The following FRMD6 variants were observed in gnomAD, a reference collection of about 807,000 sequenced individuals.
FRMD6 encodes the protein FERM domain-containing protein 6.
A neutral mutation model predicts 73.2 loss-of-function variants in FRMD6; 37 were observed. That is an observed-to-expected ratio of 0.51 (90% CI 0.39 to 0.66). FRMD6 has a LOEUF of 0.66. Among genes scored for constraint, FRMD6 ranks in the 30% least tolerant of loss-of-function variants. The probability of loss-of-function intolerance (pLI) is 0.00; values close to 1 mark genes in which losing one functional copy is unlikely to be tolerated. For missense variants in FRMD6, 714 were observed against 780.5 expected, an observed-to-expected ratio of 0.91 and a Z score of 1.02; for synonymous variants, 273 against 282.2, an observed-to-expected ratio of 0.97 and a Z score of 0.33.
intron 1 of FRMD6, among the ~76,000 whole-genome samples, chr14:51,525,140 GTGGA>G (rs71121650): frequency 0.042 from 6,268 of 148,592 alleles, 214 homozygotes; most frequent in Middle Eastern, 0.086. Flanking sequence ...TGATAGGTGG[GTGGA>G]TGGATGGATG....
At chr14:51,424,181 G>T in the FRMD6 span, among the ~76,000 whole-genome samples, 2 of 152,078 alleles carry the variant, frequency 1.3e-5, no homozygotes, top group African/African-American at 4.8e-5. Flanking sequence ...CATCCTCTCG[G>T]GTGTGAAAGA....
chr14:51,570,467 T>G (rs1426640008), intron 2 of FRMD6: 2 of 152,132 alleles, frequency 1.3e-5, no homozygotes, highest in Non-Finnish European at 2.9e-5. Context: ...AAACCGAAGT[T>G]TAAGAAATCT....
rs1448388306 is a variant in FRMD6 at position 51,621,244 on chromosome 14, A to G, written c.-147+50834A>G. Among the ~76,000 whole-genome samples, 4 of 152,234 alleles carry G rather than the reference A, an allele frequency of 2.6e-5. No individual in the cohort carries two copies. The East Asian group carries it at 7.7e-4, about 29-fold the overall frequency. ...TTGATGTTATAACTCAAAGGCTCAG[A>G]AGTGGTGGAGTTGGATCCAGCAGCC... On this transcript the variant is annotated intron_variant, in intron 2 of 14. Coordinates refer to the FRMD6 transcript ENST00000356218.
chr14:51,660,003 G>GT (rs1308660977), intron 1 of FRMD6, among the ~76,000 whole-genome samples: 1 of 152,168 alleles, frequency 6.6e-6, no homozygotes, highest in Non-Finnish European at 1.5e-5. Context: ...GCTAAAAAAG[G>GT]TACAGGATCC....
At chr14:51,623,684 C>A (rs548586156) in intron 2 of FRMD6, among the ~76,000 whole-genome samples, 3 of 152,182 alleles carry the variant, frequency 2.0e-5, no homozygotes, top group South Asian at 4.1e-4. Flanking sequence ...ACCATTCACG[C>A]CTTGTTCCAT....
At chr14:51,612,768 C>G (rs1470857233) in intron 2 of FRMD6, among the ~76,000 whole-genome samples, 7 of 152,176 alleles carry the variant, frequency 4.6e-5, no homozygotes, top group Non-Finnish European at 1.0e-4. Flanking sequence ...AACAAGACTA[C>G]TTGGAATTTC....
chr14:51,610,501 C>T (rs767120200), intron 2 of FRMD6, among the ~76,000 whole-genome samples: 71 of 151,576 alleles, frequency 4.7e-4, no homozygotes, highest in Middle Eastern at 3.4e-3. Context: ...TATTAGAAAC[C>T]GAAGGAAAAA....
chr14:51,535,020 C>T (rs1325212285), intron 1 of FRMD6, among the ~76,000 whole-genome samples: 1 of 152,168 alleles, frequency 6.6e-6, no homozygotes, highest in African/African-American at 2.4e-5. Context: ...CACCCACATT[C>T]CCCACCAAAA....
chr14:51,485,171 C>G (rs533636535), upstream of FRMD6, among the ~76,000 whole-genome samples: 1 of 152,354 alleles, frequency 6.6e-6, no homozygotes, highest in South Asian at 2.1e-4. Context: ...CTCTCACCAA[C>G]CACCAGCTTC....
At chr14:51,403,657 C>T in the FRMD6 span, among the ~76,000 whole-genome samples, 2 of 152,166 alleles carry the variant, frequency 1.3e-5, no homozygotes, top group Non-Finnish European at 2.9e-5. Flanking sequence ...TCATCTCAGC[C>T]TCCCAAAGTG....
At chr14:51,431,089 T>C in the FRMD6 span, among the ~76,000 whole-genome samples, 1 of 152,218 alleles carries the variant, frequency 6.6e-6, no homozygotes, top group South Asian at 2.1e-4. Flanking sequence ...TTTCTATATA[T>C]ACCCAGAAGA....
At chr14:51,476,517 G>A in the FRMD6 span, among the ~76,000 whole-genome samples, 36 of 152,288 alleles carry the variant, frequency 2.4e-4, no homozygotes, top group African/African-American at 7.2e-4. Context: ...GAGAGTGAGG[G>A]AGTATGAAGA....
rs371802572 is a variant in FRMD6 at position 51,711,634 on chromosome 14, T to C, written c.780+38T>C. ...GAATTGTGTCAAATGCTGTCAGCCA[T>C]GTCTTCTGTTTACAGCATGCCTCTG... is the stretch of plus-strand genomic sequence containing the variant. On this transcript the variant is annotated intron_variant, in intron 8 of 13. Transcript: ENST00000344768. 6.2e-6 allele frequency: 9 copies of C among 1,448,402 alleles called. No individual in the cohort carries two copies. In the African/African-American group the frequency reaches 1.3e-4, roughly 20 times the overall value. The allele number at this position is 1,448,402 out of a possible 1,614,324, so 89.7% of individuals were successfully genotyped here.
the FRMD6 span, among the ~76,000 whole-genome samples, chr14:51,450,614 C>T: frequency 6.6e-6 from 1 of 152,264 alleles, no homozygotes; most frequent in Non-Finnish European, 1.5e-5. Flanking sequence ...AAATAGGAAT[C>T]TAACGTTTCC....
In FRMD6 at chr14:51,701,227, C is replaced by T; in HGVS notation, c.294+68C>T. On this transcript the variant is annotated intron_variant, in intron 4 of 13. Coordinates refer to ENST00000344768, the MANE Select transcript of FRMD6 (RefSeq NM_001267046.2). The stretch of plus-strand genomic sequence containing the variant: ...AAAAATGTTTATTTTAGCTGTTATA[C>T]ATTAGAAGAAAACTGTAAGCAATAC... 5.7e-6 allele frequency: 5 copies of T among 872,160 alleles called. No homozygotes were observed. The South Asian group carries it at 7.3e-5, about 13-fold the overall frequency. 54.0% of individuals were successfully genotyped at this position (872,160 alleles called of 1,614,324 possible).
At chr14:51,590,423 T>A (rs893950508) in intron 2 of FRMD6, among the ~76,000 whole-genome samples, 15 of 152,208 alleles carry the variant, frequency 9.9e-5, no homozygotes, top group African/African-American at 3.4e-4. Context: ...TTTTTTTTTT[T>A]ACAAGTGTTC....
At chr14:51,454,327 GA>G in the FRMD6 span, among the ~76,000 whole-genome samples, 1 of 152,192 alleles carries the variant, frequency 6.6e-6, no homozygotes, top group African/African-American at 2.4e-5. Context: ...GGTCAATGCA[GA>G]AAAAATAGAA....
At chr14:51,684,187 A>G (rs1895001499) in intron 1 of FRMD6, among the ~76,000 whole-genome samples, 1 of 151,576 alleles carries the variant, frequency 6.6e-6, no homozygotes, top group East Asian at 1.9e-4. Flanking sequence ...CTCATAGTAC[A>G]GAGTATGCAA....
At chr14:51,564,380 C>G (rs553247257) in intron 1 of FRMD6, among the ~76,000 whole-genome samples, 6 of 152,204 alleles carry the variant, frequency 3.9e-5, no homozygotes, top group African/African-American at 1.4e-4. Context: ...CCTGTATGAT[C>G]TAGTTTTAGA....
Sources: allele counts gnomAD v4.1 joint callset (sites outside exome capture counted in the v4.1 genomes callset), GRCh38; gene constraint gnomAD v4.1.1; transcripts MANE v1.5; gene names NCBI Gene and HGNC (gene_info 2026-07-23, HGNC 2026-07-21).